Variants in PACS1 observed in about 807,000 individuals in gnomAD.
PACS1 encodes the protein phosphofurin acidic cluster sorting protein 1, also known as PACS-1.
A neutral mutation model predicts 115.0 loss-of-function variants in PACS1; 24 were observed. The observed-to-expected ratio is 0.21, with a 90% CI of 0.15 to 0.29. PACS1 has a LOEUF of 0.29. PACS1 is among the 10% of genes least tolerant of loss of function. The pLI, the probability that PACS1 is intolerant of heterozygous loss-of-function variation, is 1.00. For synonymous variants in PACS1, 453 were observed against 504.5 expected (o/e 0.90, Z 1.37); for missense variants, 838 against 1,251.2 (o/e 0.67, Z 4.98).
intron 3 of PACS1, 93 bp downstream of exon 3, chr11:66,210,544 C>A: frequency 1.1e-6 from 1 of 939,750 alleles, no homozygotes. Context: ...ATCCCAGAGC[C>A]CCCATTCCCC....
At chr11:66,242,797 T>A in intron 22 of PACS1, 115 bp from the exon 23 acceptor site, 1 of 1,345,016 alleles carries the variant, frequency 7.4e-7, no homozygotes, top group Non-Finnish European at 1.0e-6. Flanking sequence ...GGAGGAGGGG[T>A]TGGTTTGCAG....
intron 7 of PACS1, 177 bp from the exon 8 acceptor site, chr11:66,219,569 A>G (rs1054561291): frequency 1.4e-6 from 1 of 703,874 alleles, no homozygotes; most frequent in African/African-American, 1.8e-5. Flanking sequence ...CAGGAGCTAC[A>G]CTGGAATTTG....
intron 1 of PACS1, among the ~76,000 whole-genome samples, chr11:66,084,894 A>C (rs1183164036): frequency 6.6e-6 from 1 of 152,222 alleles, no homozygotes; most frequent in African/African-American, 2.4e-5. Context: ...GGGTGATAGA[A>C]TAATCCATAG....
At chr11:66,107,239 T>A (rs1267786625) in intron 1 of PACS1, among the ~76,000 whole-genome samples, 2 of 152,130 alleles carry the variant, frequency 1.3e-5, no homozygotes, top group African/African-American at 4.8e-5. Flanking sequence ...AAATGTCAAT[T>A]ATGATCTGCC....
intron 1 of PACS1, among the ~76,000 whole-genome samples, chr11:66,103,194 A>G (rs557717971): frequency 6.6e-6 from 1 of 152,170 alleles, no homozygotes; most frequent in Admixed American, 6.5e-5. Context: ...TTTAATTTTG[A>G]TTAGGGGAAG....
intron 14 of PACS1, 86 bp from the exon 15 acceptor site, chr11:66,232,874 G>A (rs542704722): frequency 6.8e-5 from 66 of 972,788 alleles, no homozygotes; most frequent in Middle Eastern, 2.5e-4. Flanking sequence ...CCTGCAGCTC[G>A]GTCTGGGTCT....
chr11:66,086,461 C>T (rs1051488729), intron 1 of PACS1, among the ~76,000 whole-genome samples: 5 of 152,102 alleles, frequency 3.3e-5, no homozygotes, highest in African/African-American at 1.2e-4. Flanking sequence ...TAGGTCTAGG[C>T]TGAGATAGTT....
chr11:66,072,907 G>A (rs1448159437), intron 1 of PACS1, among the ~76,000 whole-genome samples: 4 of 152,236 alleles, frequency 2.6e-5, no homozygotes, highest in African/African-American at 9.6e-5. Flanking sequence ...TGCTGTTGAT[G>A]TTTGGTCTGC....
intron 1 of PACS1, among the ~76,000 whole-genome samples, chr11:66,091,014 T>C (rs1857651053): frequency 6.6e-6 from 1 of 152,200 alleles, no homozygotes; most frequent in Non-Finnish European, 1.5e-5. Flanking sequence ...TCCACCCCAG[T>C]AAATCTTAGT....
intron 2 of PACS1, among the ~76,000 whole-genome samples, chr11:66,203,878 TA>T (rs1321764739): frequency 1.8e-5 from 1 of 57,040 alleles, no homozygotes; most frequent in Non-Finnish European, 5.4e-5. Flanking sequence ...GACTTAACTC[TA>T]ATACCTGAAA....
intron 1 of PACS1, among the ~76,000 whole-genome samples, chr11:66,123,189 C>CTT (rs36008667): frequency 0.022 from 2,994 of 137,668 alleles, 38 homozygotes; most frequent in Non-Finnish European, 0.027. Context: ...AAATTGTTAG[C>CTT]TTTTTTTTTT....
intron 1 of PACS1, among the ~76,000 whole-genome samples, chr11:66,075,491 C>T (rs1330928488): frequency 6.6e-6 from 1 of 152,180 alleles, no homozygotes; most frequent in Non-Finnish European, 1.5e-5. Context: ...ATCCTCCCGC[C>T]TCAGTCTCTC....
chr11:66,210,295 C>A, intron 2 of PACS1, 67 bp from the exon 3 acceptor site: 1 of 1,285,332 alleles, frequency 7.8e-7, no homozygotes, highest in South Asian at 1.2e-5. Context: ...CTCAGCCTCC[C>A]AAACTGCTGG....
chr11:66,145,427 C>T (rs560717911), intron 1 of PACS1, among the ~76,000 whole-genome samples: 80 of 152,262 alleles, frequency 5.3e-4, no homozygotes, highest in African/African-American at 1.5e-3. Flanking sequence ...AGCAAGAGAA[C>T]AAGGAAGGCC....
Position 66,070,924 on chromosome 11 carries a change from G to T in PACS1, c.356+82G>T. The T allele has an allele frequency of 7.7e-7, 1 of 1,303,316 alleles. No individual in the cohort carries two copies. 80.7% of individuals were successfully genotyped at this position (1,303,316 alleles called of 1,614,324 possible). ...AGCCCTCCCCGCCCCAGCGCCCATG[G>T]GGTCCCCGCCCTCCATCTCCCCGAC... On this transcript the variant is annotated intron_variant, in intron 1 of 23. Coordinates refer to ENST00000320580, the MANE Select transcript of PACS1 (RefSeq NM_018026.4). This position sits in a 1 kb window ranked among gnomAD's most constrained non-coding sequence, Gnocchi z 5.9.
In PACS1 at chr11:66,235,301, A is replaced by C; in HGVS notation, c.2105A>C (p.Glu702Ala). ...TAGTGATCTCTTGGCTTTTCTGCAG[A>C]GCAACTGGACGTGGCAGGGCGGGTG... is the stretch of plus-strand genomic sequence containing the variant. The part of the protein sequence containing the change: ...LFSRSEPPVS[E>A]QLDVAGRVMQ... Residue 702 changes from glutamate to alanine, a missense_variant and splice_region_variant, in exon 18 of 24, where the codon GAG (glutamate) becomes GCG (alanine). Glu to Ala is a moderately radical substitution (Grantham distance 107, BLOSUM62 -1). Around this residue, in one of 6 missense-constraint regions of PACS1, gnomAD observed 383 missense variants for 537.0 expected, o/e 0.71. Transcript: ENST00000320580. The surrounding 1 kb of genome is among the most constrained non-coding windows in gnomAD (Gnocchi z 5.6). 6.2e-7 allele frequency: 1 copy of C among 1,613,058 alleles called. No homozygotes were observed. Among genetic ancestry groups the C allele is most frequent in the Non-Finnish European group, 8.5e-7 (1 of 1,179,126 alleles).
intron 2 of PACS1, among the ~76,000 whole-genome samples, chr11:66,198,433 A>G (rs1245325294): frequency 6.6e-6 from 1 of 152,270 alleles, no homozygotes; most frequent in East Asian, 1.9e-4. Flanking sequence ...GCAATAAAAA[A>G]GAATGAAGTA....
At chr11:66,217,403 C>G (rs1231754697) in intron 7 of PACS1, 15 of 359,024 alleles carry the variant, frequency 4.2e-5, no homozygotes, top group Non-Finnish European at 7.8e-5. Flanking sequence ...TTGACAGATT[C>G]TGGAGTGCCT....
intron 13 of PACS1, chr11:66,231,760 A>G: frequency 4.9e-6 from 1 of 204,912 alleles, no homozygotes; most frequent in South Asian, 8.3e-5. Flanking sequence ...ACTCATTGCC[A>G]CTCTCATTAT....
Sources: gnomAD v4.1 joint callset for allele counts (sites outside exome capture counted in the v4.1 genomes callset) on GRCh38, gnomAD v4.1.1 for gene constraint, gnomAD v4.1.1 regional missense constraint, Gnocchi (gnomAD v3.1) non-coding constraint, MANE v1.5 for transcripts, NCBI Gene and HGNC (gene_info 2026-07-23, HGNC 2026-07-21) for gene names.